Variants in NREP observed in about 807,000 individuals in gnomAD.
NREP encodes the protein neuronal regeneration-related protein.
NREP carries 5 observed loss-of-function variants against 8.6 expected under a neutral mutation model. The ratio of observed to expected loss-of-function variants is 0.58; its 90% confidence interval spans 0.30 to 1.22. NREP has a LOEUF of 1.22. Among genes scored for constraint, NREP ranks in the 50% most tolerant of loss-of-function variants. The pLI is 0.07. For missense variants in NREP, 86 were observed against 82.5 expected (o/e 1.04, Z -0.17); for synonymous variants, 27 against 28.0 (o/e 0.96, Z 0.11).
At chr5:111,775,826 T>C (rs1369395612) in intron 2 of NREP, among the ~76,000 whole-genome samples, 1 of 152,160 alleles carries the variant, frequency 6.6e-6, no homozygotes, top group Non-Finnish European at 1.5e-5. Flanking sequence ...GAACTTAATT[T>C]CTTCCATTTA....
chr5:111,940,212 A>C (rs968096074), intron 2 of NREP: 1 of 152,120 alleles, frequency 6.6e-6, no homozygotes, highest in Non-Finnish European at 1.5e-5. Context: ...TTTTGTGATA[A>C]ATAAAGATGC....
At chr5:111,854,371 C>G (rs945022009) in intron 2 of NREP, among the ~76,000 whole-genome samples, 1 of 152,170 alleles carries the variant, frequency 6.6e-6, no homozygotes, top group African/African-American at 2.4e-5. Context: ...TGTAGGGTTT[C>G]ACCTGCTGAT....
chr5:111,872,236 G>A lies in NREP; in HGVS notation c.135+103038C>T, dbSNP rs377519193. ...CCAGCATATCAGGTATCCAGGAAGA[G>A]GTAATGTTTCACTTCCTGCTCAAAG... On this transcript the variant is annotated intron_variant, in intron 2 of 3. Coordinates refer to the NREP transcript ENST00000395634. Among the ~76,000 whole-genome samples, 6 of 152,152 alleles carry A rather than the reference G, an allele frequency of 3.9e-5. No homozygotes were observed. The South Asian group carries it at 6.2e-4, about 16-fold the overall frequency.
At chr5:111,940,199 G>C (rs1275446534) in intron 2 of NREP, 2 of 152,144 alleles carry the variant, frequency 1.3e-5, no homozygotes, top group East Asian at 1.9e-4. Context: ...CACTGTGATA[G>C]CCTTTTGTGA....
chr5:111,753,371 GTAGA>G (rs1056850493), intron 2 of NREP, among the ~76,000 whole-genome samples: 8 of 146,884 alleles, frequency 5.4e-5, no homozygotes, highest in African/African-American at 1.7e-4. Flanking sequence ...TATATGATAT[GTAGA>G]TATATATAGA....
intron 2 of NREP, among the ~76,000 whole-genome samples, chr5:111,771,558 T>C (rs1751229910): frequency 6.6e-6 from 1 of 151,814 alleles, no homozygotes; most frequent in African/African-American, 2.4e-5. Flanking sequence ...AGGTCAGAAG[T>C]TCGAGACCAG....
At chr5:111,929,181 T>A (rs1313893781) in intron 2 of NREP, among the ~76,000 whole-genome samples, 1 of 152,162 alleles carries the variant, frequency 6.6e-6, no homozygotes, top group African/African-American at 2.4e-5. Flanking sequence ...AAGCTTAACT[T>A]TTTACGGGGC....
intron 1 of NREP, chr5:111,975,424 G>A (rs758108882): frequency 2.3e-5 from 31 of 1,334,282 alleles, no homozygotes; most frequent in Non-Finnish European, 3.2e-5. Flanking sequence ...TGACCCCCCT[G>A]AGTGCCACAA....
chr5:111,739,737 T>C (rs578180339), intron 2 of NREP: 1 of 152,322 alleles, frequency 6.6e-6, no homozygotes, highest in East Asian at 1.9e-4. Context: ...TTGAATTCTC[T>C]ATTGTTGTTT....
chr5:111,827,883 C>T (rs1192352545), intron 2 of NREP, among the ~76,000 whole-genome samples: 1 of 152,064 alleles, frequency 6.6e-6, no homozygotes, highest in African/African-American at 2.4e-5. Context: ...CAACAAAAAA[C>T]CTATGTACTC....
intron 2 of NREP, among the ~76,000 whole-genome samples, chr5:111,873,966 G>A (rs1753847651): frequency 6.6e-6 from 1 of 151,784 alleles, no homozygotes; most frequent in African/African-American, 2.4e-5. Flanking sequence ...CTCAGGTGGA[G>A]ACAGAGACAA....
At chr5:111,801,191 A>T (rs1004328909) in intron 2 of NREP, among the ~76,000 whole-genome samples, 18 of 152,244 alleles carry the variant, frequency 1.2e-4, no homozygotes, top group Admixed American at 3.9e-4. Context: ...AGAATTTACA[A>T]TTACAAATGT....
intron 2 of NREP, among the ~76,000 whole-genome samples, chr5:111,753,355 T>C (rs1166978042): frequency 6.8e-6 from 1 of 146,488 alleles, no homozygotes; most frequent in Non-Finnish European, 1.5e-5. Flanking sequence ...TATATATATG[T>C]ATATATATAT....
chr5:111,965,758 C>G (rs1756626818), intron 2 of NREP, among the ~76,000 whole-genome samples: 1 of 152,226 alleles, frequency 6.6e-6, no homozygotes, highest in Middle Eastern at 3.4e-3. Context: ...AACAAATATA[C>G]TGTCAATGTT....
At chr5:111,829,700 T>G (rs142355829) in intron 2 of NREP, among the ~76,000 whole-genome samples, 205 of 152,332 alleles carry the variant, frequency 1.3e-3, no homozygotes, top group South Asian at 9.1e-3. Context: ...AGACTTTACC[T>G]GAACTCAATC....
At chr5:111,810,260 T>C (rs984743201) in intron 2 of NREP, among the ~76,000 whole-genome samples, 1 of 152,004 alleles carries the variant, frequency 6.6e-6, no homozygotes, top group African/African-American at 2.4e-5. Flanking sequence ...ATACACAGAA[T>C]AGAGTGTGAG....
intron 2 of NREP, among the ~76,000 whole-genome samples, chr5:111,915,241 T>C (rs191627148): frequency 6.6e-6 from 1 of 152,244 alleles, no homozygotes; most frequent in African/African-American, 2.4e-5. Context: ...GAAAGTCCAG[T>C]GTTCTGGCCT....
intron 2 of NREP, chr5:111,975,191 G>C: frequency 1.1e-6 from 1 of 890,790 alleles, no homozygotes; most frequent in Middle Eastern, 2.2e-4. Context: ...ACCAGTTCAG[G>C]AATCACTTGG....
intron 2 of NREP, among the ~76,000 whole-genome samples, chr5:111,928,455 T>C (rs1336514947): frequency 3.3e-5 from 5 of 152,150 alleles, no homozygotes; most frequent in African/African-American, 1.2e-4. Context: ...TGTATTTGAA[T>C]TGAAATATAT....
Sources: gnomAD v4.1 joint callset for allele counts (sites outside exome capture counted in the v4.1 genomes callset) on GRCh38, gnomAD v4.1.1 for gene constraint, MANE v1.5 for transcripts, NCBI Gene and HGNC (gene_info 2026-07-23, HGNC 2026-07-21) for gene names.